PTGFR: variants seen among roughly 807,000 people sequenced by gnomAD.
PTGFR encodes prostaglandin F2-alpha receptor.
Under a neutral mutation model 26.2 loss-of-function variants are expected in PTGFR, and 15 were observed. The observed-to-expected ratio is 0.57, with a 90% CI of 0.38 to 0.88. The LOEUF (loss-of-function observed/expected upper bound fraction) is 0.88, where lower values mean the gene tolerates loss of function less well. PTGFR is among the 40% of genes least tolerant of loss of function. PTGFR has a pLI of 0.00. For missense variants in PTGFR, 369 were observed against 427.2 expected (o/e 0.86, Z 1.20); for synonymous variants, 165 against 151.1 (o/e 1.09, Z -0.68).
rs1019053702 is a variant in PTGFR, at chr1:78,537,565, G to A, written c.*878G>A. ...ATAGGTGCAAAGAATATTGGCAAAAGGTGCTTTACCTTGAGCCATTATTTG... is the reference window on the plus strand; with the variant it reads ...ATAGGTGCAAAGAATATTGGCAAAAAGTGCTTTACCTTGAGCCATTATTTG... On this transcript the variant is annotated 3_prime_UTR_variant, in exon 3 of 3. Coordinates refer to ENST00000370757, the MANE Select transcript of PTGFR (RefSeq NM_000959.4). 5 of 152,050 alleles carry A rather than the reference G, an allele frequency of 3.3e-5. No individual in the cohort carries two copies. The highest frequency in any genetic ancestry group is 1.2e-4 in the African/African-American group (5 of 41,424). 9.4% of individuals were successfully genotyped at this position (152,050 alleles called of 1,614,324 possible). A position where few individuals can be genotyped will look rare whatever the true frequency, so the allele number is the denominator to read the frequency against.
intron 2 of PTGFR, among the ~76,000 whole-genome samples, chr1:78,535,038 T>C (rs1365795854): frequency 3.3e-5 from 5 of 152,174 alleles, no homozygotes; most frequent in African/African-American, 1.2e-4. Context: ...AGAGTAATGA[T>C]GAGTGCTTGG....
rs1477517353 is a variant in PTGFR, at chr1:78,537,523, G to A, written c.*836G>A. 6.6e-6 allele frequency: 1 copy of A among 152,056 alleles called. No homozygotes were observed. The highest frequency in any genetic ancestry group is 1.5e-5 in the Non-Finnish European group (1 of 68,012). 9.4% of individuals were successfully genotyped at this position (152,056 alleles called of 1,614,324 possible). A position where few individuals can be genotyped will look rare whatever the true frequency, so the allele number is the denominator to read the frequency against. ...CTACCATGGATAATGCAAACAAACC[G>A]AAGCTACATGCCAATGATAGGTGCA... On this transcript the variant is annotated 3_prime_UTR_variant, in exon 3 of 3. Transcript: ENST00000370757.
chr1:78,501,593 CTG>C (rs1229819928), intron 2 of PTGFR, among the ~76,000 whole-genome samples: 1 of 152,050 alleles, frequency 6.6e-6, no homozygotes, highest in Non-Finnish European at 1.5e-5. Flanking sequence ...GAAATTCAGA[CTG>C]TGGAATACTG....
At position 78,509,818 on chromosome 1, in the gene PTGFR, AT is replaced by A. The variant is rs1481816275; in HGVS notation, c.798+16279del. On this transcript the variant is annotated intron_variant, in intron 2 of 2. Transcript: ENST00000370757. ...TTACATTTTTGTGGATTTCCACATC[AT>A]TGATTTAGCAAGCTATTTTATGTTT... is the stretch of plus-strand genomic sequence containing the variant. 2.0e-5 allele frequency among the ~76,000 whole-genome samples: 3 copies of A among 152,148 alleles called. No individual in the cohort carries two copies. The East Asian group carries it at 5.8e-4, about 29-fold the overall frequency.
At chr1:78,528,294 C>CAAAAAAAAAAA (rs35137595) in intron 2 of PTGFR, among the ~76,000 whole-genome samples, 14 of 20,116 alleles carry the variant, frequency 7.0e-4, no homozygotes, top group Non-Finnish European at 8.2e-4. Flanking sequence ...AGAAAGTTAG[C>CAAAAAAAAAAA]AAAAAAAAAA....
chr1:78,532,364 T>TTATATATATATATATATATA (rs200848855), intron 2 of PTGFR: 16 of 85,212 alleles, frequency 1.9e-4, no homozygotes, highest in African/African-American at 5.5e-4. Flanking sequence ...GTAAATTCAT[T>TTATATATATATATATATATA]TATATATATA....
chr1:78,499,684 T>C (rs1215826715), intron 2 of PTGFR, among the ~76,000 whole-genome samples: 1 of 152,202 alleles, frequency 6.6e-6, no homozygotes, highest in African/African-American at 2.4e-5. Flanking sequence ...GGAAGTAATG[T>C]CCTGGAGAAT....
chr1:78,521,401 T>A (rs1650238580), intron 2 of PTGFR, among the ~76,000 whole-genome samples: 1 of 152,156 alleles, frequency 6.6e-6, no homozygotes. Flanking sequence ...CCATTCTGAT[T>A]GATCGATAAC....
chr1:78,537,060 G>T lies in PTGFR; in HGVS notation c.*373G>T. On this transcript the variant is annotated 3_prime_UTR_variant, in exon 3 of 3. Coordinates refer to ENST00000370757, the MANE Select transcript of PTGFR (RefSeq NM_000959.4). ...CTGCATAGTGAAATGGTTATTTTGA[G>T]ATCACCGCTCTGTAGCTAACCCTTA... The T allele has an allele frequency of 5.5e-6, 1 of 183,130 alleles. No homozygotes were observed. Among genetic ancestry groups the T allele is most frequent in the Non-Finnish European group, 1.1e-5 (1 of 88,926 alleles). The allele number at this position is 183,130 out of a possible 1,614,324, so 11.3% of individuals were successfully genotyped here.
At chr1:78,498,648 T>C (rs1205298420) in intron 2 of PTGFR, among the ~76,000 whole-genome samples, 2 of 152,150 alleles carry the variant, frequency 1.3e-5, no homozygotes, top group Non-Finnish European at 2.9e-5. Flanking sequence ...TTCAGTATCC[T>C]GCAATATACC....
At chr1:78,525,617 T>C (rs754176120) in intron 2 of PTGFR, among the ~76,000 whole-genome samples, 2 of 152,048 alleles carry the variant, frequency 1.3e-5, no homozygotes, top group African/African-American at 4.8e-5. Context: ...TAATTGATCA[T>C]GTGATTGAAC....
chr1:78,528,462 T>C (rs931888184), intron 2 of PTGFR, among the ~76,000 whole-genome samples: 3 of 152,074 alleles, frequency 2.0e-5, no homozygotes, highest in Non-Finnish European at 4.4e-5. Flanking sequence ...GAAGTATATA[T>C]GGATTTTATC....
chr1:78,494,376 A>T (rs1649491764), intron 2 of PTGFR, among the ~76,000 whole-genome samples: 1 of 152,216 alleles, frequency 6.6e-6, no homozygotes, highest in South Asian at 2.1e-4. Context: ...AAACAAAAAA[A>T]ACCCTTCTGT....
chr1:78,492,995 T>C lies in PTGFR; in HGVS notation c.252T>C (p.Asn84=), dbSNP rs769758684. Residue 84 remains asparagine (N), a synonymous_variant, in exon 2 of 3, where the codon AAT becomes AAC. Transcript: ENST00000370757. The part of the protein sequence containing the change: ...VITDFFGHLI[N]GAIAVFVYAS... ...CTGATTTCTTTGGCCATCTCATCAA[T>C]GGAGCCATAGCAGTATTTGTATATG... 17 of 1,614,248 alleles carry C rather than the reference T, an allele frequency of 1.1e-5. No individual in the cohort carries two copies. Among genetic ancestry groups the C allele is most frequent in the Non-Finnish European group, 1.3e-5 (15 of 1,180,040 alleles).
intron 2 of PTGFR, among the ~76,000 whole-genome samples, chr1:78,517,122 A>G (rs1447291563): frequency 5.9e-5 from 9 of 152,200 alleles, no homozygotes; most frequent in African/African-American, 2.2e-4. Context: ...AATTCGCTAT[A>G]TGAAGGCACT....
chr1:78,501,643 A>G (rs992998219), intron 2 of PTGFR, among the ~76,000 whole-genome samples: 2 of 152,184 alleles, frequency 1.3e-5, no homozygotes. Flanking sequence ...TGAAGGAGAC[A>G]GAGACAATTG....
chr1:78,515,204 G>A (rs1415596126), intron 2 of PTGFR, among the ~76,000 whole-genome samples: 1 of 152,052 alleles, frequency 6.6e-6, no homozygotes, highest in Non-Finnish European at 1.5e-5. Flanking sequence ...GGAATGTGTG[G>A]GAAACAGTCA....
chr1:78,534,423 A>G (rs761550781), intron 2 of PTGFR, among the ~76,000 whole-genome samples: 40 of 152,184 alleles, frequency 2.6e-4, no homozygotes, highest in Non-Finnish European at 4.9e-4. Context: ...ATTCTGTGGT[A>G]ACTTCAGTGC....
At chr1:78,507,099 A>G (rs939048766) in intron 2 of PTGFR, among the ~76,000 whole-genome samples, 4 of 152,174 alleles carry the variant, frequency 2.6e-5, no homozygotes, top group African/African-American at 9.7e-5. Flanking sequence ...GAATTTATAT[A>G]TAATATTTGG....
Sources: gnomAD v4.1 joint callset for allele counts (sites outside exome capture counted in the v4.1 genomes callset) on GRCh38, gnomAD v4.1.1 for gene constraint, MANE v1.5 for transcripts, NCBI Gene and HGNC (gene_info 2026-07-23, HGNC 2026-07-21) for gene names.